Variants in DNAJB6 observed in about 807,000 individuals in gnomAD.
DNAJB6 encodes dnaJ homolog subfamily B member 6.
In DNAJB6, 16 loss-of-function variants were observed where a neutral mutation model predicts 42.7. That is an observed-to-expected ratio of 0.37 (90% CI 0.25 to 0.57). The LOEUF (loss-of-function observed/expected upper bound fraction) is 0.57. DNAJB6 is among the 20% of genes least tolerant of loss of function. The pLI is 0.74. For synonymous variants in DNAJB6, 170 were observed against 163.5 expected (o/e 1.04, Z -0.30); for missense variants, 347 against 416.8 (o/e 0.83, Z 1.46).
intron 1 of DNAJB6, among the ~76,000 whole-genome samples, chr7:157,352,808 G>C (rs959166923): frequency 6.6e-6 from 1 of 152,136 alleles, no homozygotes; most frequent in Non-Finnish European, 1.5e-5. Flanking sequence ...ACTTCACAGG[G>C]TGGGGAAGCA....
intron 8 of DNAJB6, among the ~76,000 whole-genome samples, chr7:157,405,815 G>C (rs926225570): frequency 6.6e-6 from 1 of 152,236 alleles, no homozygotes; most frequent in Non-Finnish European, 1.5e-5. Context: ...TGCTTGTTCC[G>C]GTTCTCCTGC....
At chr7:157,377,293 C>T (rs889747525) in intron 5 of DNAJB6, among the ~76,000 whole-genome samples, 2 of 152,134 alleles carry the variant, frequency 1.3e-5, no homozygotes, top group African/African-American at 4.8e-5. Context: ...GGGCATGACT[C>T]CCCAGACCCC....
At chr7:157,384,159 G>A (rs1031059382) in intron 6 of DNAJB6, among the ~76,000 whole-genome samples, 1 of 152,208 alleles carries the variant, frequency 6.6e-6, no homozygotes, top group African/African-American at 2.4e-5. Flanking sequence ...GTTTGCTTTA[G>A]TGTGACTTGT....
At chr7:157,352,285 TGCTACTCTACTCTGGCGACAGA>T (rs1799025549) in intron 1 of DNAJB6, among the ~76,000 whole-genome samples, 1 of 151,938 alleles carries the variant, frequency 6.6e-6, no homozygotes, top group Admixed American at 6.6e-5. Context: ...GCCAAAATTG[TGCTACTCTACTCTGGCGACAGA>T]GCAAGACTCT....
chr7:157,367,230 T>C (rs1799888868), intron 4 of DNAJB6, 143 bp from the exon 5 acceptor site: 5 of 622,826 alleles, frequency 8.0e-6, no homozygotes, highest in Non-Finnish European at 1.1e-5. Flanking sequence ...AGGGCTCATG[T>C]TTTGAATTAT....
At position 157,370,154 on chromosome 7, in the gene DNAJB6, GGGCCCCTTCTTAACATTATTATTAAACA is replaced by G. The variant is rs747592795; in HGVS notation, c.346+2698_346+2725del. On this transcript the variant is annotated intron_variant, in intron 5 of 9. Transcript: ENST00000262177. ...GGGACCCTTCTTAAGATTATTAAAC[GGGCCCCTTCTTAACATTATTATTAAACA>G]GGCCCCTTCTTAACATTATTATTAA... is the stretch of plus-strand genomic sequence containing the variant. Among the ~76,000 whole-genome samples the G allele has an allele frequency of 0.018, 2,172 of 122,622 alleles. 119 individuals carry two copies. The East Asian group carries it at 0.18, about 10-fold the overall frequency. The allele number at this position is 122,622 out of a possible 152,430, so 80.4% of individuals were successfully genotyped here.
At chr7:157,381,994 C>T in intron 5 of DNAJB6, 1 of 314,888 alleles carries the variant, frequency 3.2e-6, no homozygotes. Flanking sequence ...TGTGTATGTG[C>T]TGTTTTTTTA....
At chr7:157,358,287 GT>G (rs1489390720) in intron 1 of DNAJB6, among the ~76,000 whole-genome samples, 1 of 151,242 alleles carries the variant, frequency 6.6e-6, no homozygotes, top group Non-Finnish European at 1.5e-5. Flanking sequence ...GTCACCTGTT[GT>G]TTAGTTTAGG....
intron 8 of DNAJB6, among the ~76,000 whole-genome samples, chr7:157,393,209 C>T (rs754759871): frequency 3.3e-5 from 5 of 152,092 alleles, no homozygotes; most frequent in Admixed American, 6.5e-5. Context: ...CTCCTGACCT[C>T]GAGTTATCCC....
intron 5 of DNAJB6, chr7:157,369,352 C>T (rs1359111168): frequency 2.2e-6 from 1 of 456,692 alleles, no homozygotes; most frequent in Non-Finnish European, 4.4e-6. Context: ...GCATTTGTTG[C>T]TTTGCAGGAC....
intron 8 of DNAJB6, among the ~76,000 whole-genome samples, chr7:157,399,644 T>C (rs1022909824): frequency 6.6e-6 from 1 of 152,150 alleles, no homozygotes; most frequent in Non-Finnish European, 1.5e-5. Context: ...TGCATGTGAC[T>C]ATATATCTAT....
chr7:157,354,387 TCCAC>T (rs1584890146), intron 1 of DNAJB6, among the ~76,000 whole-genome samples: 4 of 152,216 alleles, frequency 2.6e-5, no homozygotes, highest in African/African-American at 9.7e-5. Context: ...CCTCAGGTGA[TCCAC>T]CCACCTTGGC....
intron 5 of DNAJB6, among the ~76,000 whole-genome samples, chr7:157,367,891 C>T (rs892260740): frequency 2.6e-5 from 4 of 151,674 alleles, no homozygotes; most frequent in South Asian, 2.1e-4. Flanking sequence ...TGTATTTTGT[C>T]ACGAAACTTT....
chr7:157,342,225 T>C (rs966316814), intron 1 of DNAJB6, among the ~76,000 whole-genome samples: 2 of 151,758 alleles, frequency 1.3e-5, no homozygotes, highest in Admixed American at 1.3e-4. Context: ...TGGAGTGCAG[T>C]GGCGTGATCT....
At chr7:157,411,544 C>T (rs555767112) in intron 9 of DNAJB6, 2 of 152,686 alleles carry the variant, frequency 1.3e-5, no homozygotes, top group East Asian at 3.9e-4. Flanking sequence ...CACTGTTTGT[C>T]GATGGGTCTT....
intron 8 of DNAJB6, among the ~76,000 whole-genome samples, chr7:157,403,952 G>T (rs1211594647): frequency 1.3e-5 from 2 of 152,094 alleles, no homozygotes; most frequent in African/African-American, 4.8e-5. Context: ...GGGTGGGAAG[G>T]AACACCTTTT....
At chr7:157,364,718 T>C (rs1024498017) in intron 3 of DNAJB6, among the ~76,000 whole-genome samples, 16 of 152,186 alleles carry the variant, frequency 1.1e-4, no homozygotes, top group African/African-American at 3.9e-4. Flanking sequence ...AGGGCCAAAA[T>C]GAAGCTTCAT....
intron 1 of DNAJB6, among the ~76,000 whole-genome samples, chr7:157,348,913 G>A (rs1258292353): frequency 6.6e-6 from 1 of 152,084 alleles, no homozygotes; most frequent in Non-Finnish European, 1.5e-5. Flanking sequence ...GAATACTTTT[G>A]CCTCTGTTCT....
intron 8 of DNAJB6, among the ~76,000 whole-genome samples, chr7:157,407,574 C>T (rs1335774043): frequency 6.6e-6 from 1 of 152,162 alleles, no homozygotes; most frequent in Non-Finnish European, 1.5e-5. Context: ...CCCTTCGTCT[C>T]TCCTCTCTCC....
Sources: allele counts gnomAD v4.1 joint callset (sites outside exome capture counted in the v4.1 genomes callset), GRCh38; gene constraint gnomAD v4.1.1; transcripts MANE v1.5; gene names NCBI Gene and HGNC (gene_info 2026-07-23, HGNC 2026-07-21).